The following MED27 variants were observed in gnomAD, a reference collection of about 807,000 sequenced individuals.
MED27 encodes mediator of RNA polymerase II transcription subunit 27.
A neutral mutation model predicts 38.2 loss-of-function variants in MED27; 30 were observed. That is an observed-to-expected ratio of 0.79 (90% CI 0.59 to 1.07). The LOEUF is 1.07. Among genes scored for constraint, MED27 ranks in the 50% least tolerant of loss-of-function variants. The probability of loss-of-function intolerance (pLI) is 0.00; values close to 1 mark genes in which losing one functional copy is unlikely to be tolerated. For missense variants in MED27, 289 were observed against 397.5 expected (o/e 0.73, Z 2.32); for synonymous variants, 122 against 153.5 (o/e 0.79, Z 1.52).
At chr9:131,986,915 C>T (rs1831862203) in intron 3 of MED27, among the ~76,000 whole-genome samples, 2 of 148,646 alleles carry the variant, frequency 1.3e-5, no homozygotes. Context: ...AATGAACTGA[C>T]TTCGTTGATC....
chr9:131,863,156 A>T lies in MED27; in HGVS notation c.724-16T>A, dbSNP rs769001259. ...GGTCTGTCACCTGAGAGTGAAGGAC[A>T]AAGACGAGTTAGCGGCCACTCCAAG... is the stretch of plus-strand genomic sequence containing the variant. On this transcript the variant is annotated splice_polypyrimidine_tract_variant and intron_variant, in intron 6 of 7. Transcript: ENST00000292035. 1 of 1,612,872 alleles carries T rather than the reference A, an allele frequency of 6.2e-7. No individual in the cohort carries two copies. The highest frequency in any genetic ancestry group is 8.5e-7 in the Non-Finnish European group (1 of 1,178,906).
At chr9:132,002,686 C>T (rs569713363) in intron 3 of MED27, among the ~76,000 whole-genome samples, 16 of 152,160 alleles carry the variant, frequency 1.1e-4, no homozygotes, top group Non-Finnish European at 2.2e-4. Context: ...CTGAGGCAAG[C>T]GGATCACTTG....
chr9:131,890,357 G>C (rs911035137), intron 5 of MED27, among the ~76,000 whole-genome samples: 7 of 152,164 alleles, frequency 4.6e-5, no homozygotes, highest in Non-Finnish European at 8.8e-5. Context: ...GTTGTAAAGG[G>C]GGACGCAAGG....
chr9:131,939,016 G>A lies in MED27; in HGVS notation c.573+365C>T, dbSNP rs1830734964. Reference sequence around the variant, plus strand: ...GCGTGAGTCACCGCGCCTGGCGAGAGTGTTTTCTTTAGCAGGATCCAACAG... The same window carrying A: ...GCGTGAGTCACCGCGCCTGGCGAGAATGTTTTCTTTAGCAGGATCCAACAG... On this transcript the variant is annotated intron_variant, in intron 4 of 7. Transcript: ENST00000292035. Among the ~76,000 whole-genome samples, 4 of 152,210 alleles carry A rather than the reference G, an allele frequency of 2.6e-5. No homozygotes were observed. The South Asian group carries it at 8.3e-4, about 31-fold the overall frequency.
chr9:132,018,476 A>G (rs1230868017), intron 2 of MED27, among the ~76,000 whole-genome samples: 1 of 152,220 alleles, frequency 6.6e-6, no homozygotes, highest in Non-Finnish European at 1.5e-5. Context: ...CTCCACTTGC[A>G]TGATGTCTTC....
intron 3 of MED27, among the ~76,000 whole-genome samples, chr9:131,967,288 C>T (rs1191589920): frequency 6.6e-6 from 1 of 152,092 alleles, no homozygotes; most frequent in East Asian, 1.9e-4. Context: ...CTGTACCTTC[C>T]CAATAAATCT....
chr9:131,870,126 G>A (rs116760405), intron 6 of MED27, among the ~76,000 whole-genome samples: 1,829 of 152,304 alleles, frequency 0.012, 40 homozygotes, highest in African/African-American at 0.042. Context: ...CAGAGCTGGA[G>A]GGTGCTTTGG....
At chr9:132,057,633 C>T (rs1265427118) in intron 2 of MED27, among the ~76,000 whole-genome samples, 2 of 152,198 alleles carry the variant, frequency 1.3e-5, no homozygotes, top group African/African-American at 2.4e-5. Flanking sequence ...AATGCGATGG[C>T]AATTAATTCA....
chr9:132,016,774 G>A (rs1589268082), intron 2 of MED27, among the ~76,000 whole-genome samples: 1 of 152,196 alleles, frequency 6.6e-6, no homozygotes, highest in African/African-American at 2.4e-5. Context: ...TTTGAGTGGA[G>A]GAGGCCTGCT....
At chr9:131,904,389 T>C (rs11789924) in intron 4 of MED27, among the ~76,000 whole-genome samples, 3 of 151,964 alleles carry the variant, frequency 2.0e-5, no homozygotes, top group Admixed American at 6.6e-5. Context: ...ATAAGACGTG[T>C]TTTATTTTTA....
At chr9:131,911,027 T>C (rs978741757) in intron 4 of MED27, among the ~76,000 whole-genome samples, 3 of 151,976 alleles carry the variant, frequency 2.0e-5, no homozygotes, top group Non-Finnish European at 4.4e-5. Context: ...AATTAAACCA[T>C]GAGAGGCTAA....
intron 2 of MED27, among the ~76,000 whole-genome samples, chr9:132,035,622 C>T (rs1237200323): frequency 4.6e-5 from 7 of 152,116 alleles, no homozygotes; most frequent in Non-Finnish European, 4.4e-5. Context: ...TCAAGGAAAC[C>T]GTCTGACAGA....
intron 4 of MED27, among the ~76,000 whole-genome samples, chr9:131,933,425 T>C (rs142361967): frequency 1.8e-4 from 27 of 152,100 alleles, no homozygotes; most frequent in Non-Finnish European, 3.7e-4. Flanking sequence ...GGATACAAAA[T>C]ATACAGAAAT....
intron 2 of MED27, among the ~76,000 whole-genome samples, chr9:132,032,432 A>C (rs9411430): frequency 0.57 from 86,711 of 151,926 alleles, 26,707 homozygotes; most frequent in Non-Finnish European, 0.68. Context: ...TTCTTTCTGA[A>C]AGAGCTGAAG....
At chr9:132,040,178 C>A (rs557840935) in intron 2 of MED27, among the ~76,000 whole-genome samples, 1 of 152,226 alleles carries the variant, frequency 6.6e-6, no homozygotes, top group South Asian at 2.1e-4. Context: ...CAGCATCAGT[C>A]CCCGCATATG....
chr9:131,966,759 TG>T (rs1176393790), intron 3 of MED27, among the ~76,000 whole-genome samples: 2 of 152,222 alleles, frequency 1.3e-5, no homozygotes, highest in Non-Finnish European at 2.9e-5. Context: ...GAGCTAGCTA[TG>T]TGACCCTAGC....
At chr9:131,983,341 A>C (rs1435938245) in intron 3 of MED27, among the ~76,000 whole-genome samples, 1 of 152,222 alleles carries the variant, frequency 6.6e-6, no homozygotes, top group Non-Finnish European at 1.5e-5. Flanking sequence ...GGAAAATTTT[A>C]AGACATGCAC....
At chr9:131,873,639 G>C (rs974546902) in intron 6 of MED27, among the ~76,000 whole-genome samples, 5 of 152,176 alleles carry the variant, frequency 3.3e-5, no homozygotes, top group Non-Finnish European at 7.3e-5. Flanking sequence ...GGGCTCTGAA[G>C]GGCTTATAAC....
At chr9:131,969,185 A>C (rs1258000523) in intron 3 of MED27, among the ~76,000 whole-genome samples, 1 of 129,458 alleles carries the variant, frequency 7.7e-6, no homozygotes, top group Non-Finnish European at 1.6e-5. Flanking sequence ...CCTGCCCCCC[A>C]CACCTTCTGT....
Sources: gnomAD v4.1 joint callset for allele counts (sites outside exome capture counted in the v4.1 genomes callset) on GRCh38, gnomAD v4.1.1 for gene constraint, MANE v1.5 for transcripts, NCBI Gene and HGNC (gene_info 2026-07-23, HGNC 2026-07-21) for gene names.